CHRM3: variants seen among roughly 807,000 people sequenced by gnomAD.
CHRM3 encodes muscarinic acetylcholine receptor M3.
Under a neutral mutation model 41.8 loss-of-function variants are expected in CHRM3, and 11 were observed. That is an observed-to-expected ratio of 0.26 (90% confidence interval 0.17 to 0.44). The LOEUF (loss-of-function observed/expected upper bound fraction) is 0.44. Among genes scored for constraint, CHRM3 ranks in the 20% least tolerant of loss-of-function variants. The pLI, the probability that CHRM3 is intolerant of heterozygous loss-of-function variation, is 1.00. For synonymous variants in CHRM3, 297 were observed against 301.4 expected (o/e 0.99, Z 0.15); for missense variants, 571 against 745.4 (o/e 0.77, Z 2.72).
chr1:239,756,478 T>G (rs10925972), intron 5 of CHRM3, among the ~76,000 whole-genome samples: 11,403 of 152,262 alleles, frequency 0.075, 582 homozygotes, highest in South Asian at 0.18. Flanking sequence ...TACCAATTTA[T>G]TTCAGGGAGA....
At chr1:239,408,581 C>T (rs1394665673) in intron 1 of CHRM3, among the ~76,000 whole-genome samples, 1 of 150,544 alleles carries the variant, frequency 6.6e-6, no homozygotes, top group Admixed American at 6.6e-5. Context: ...TTGGGTATGT[C>T]CTTATAGCAG....
At chr1:239,726,255 G>T (rs1307543584) in intron 5 of CHRM3, among the ~76,000 whole-genome samples, 2 of 151,770 alleles carry the variant, frequency 1.3e-5, no homozygotes, top group African/African-American at 4.8e-5. Flanking sequence ...TGTAATTTTG[G>T]TGCATTGTGA....
chr1:239,636,927 C>T (rs1008313032), intron 4 of CHRM3, among the ~76,000 whole-genome samples: 4 of 152,052 alleles, frequency 2.6e-5, no homozygotes. Context: ...TTATTATGCA[C>T]ATAAAATGGC....
At chr1:239,563,185 G>T (rs755936920) in intron 3 of CHRM3, among the ~76,000 whole-genome samples, 7 of 116,312 alleles carry the variant, frequency 6.0e-5, no homozygotes, top group Non-Finnish European at 1.1e-4. Flanking sequence ...TCTGAAGTTG[G>T]TGTAGGGCAA....
At chr1:239,520,054 G>A (rs1225673016) in intron 2 of CHRM3, among the ~76,000 whole-genome samples, 1 of 152,032 alleles carries the variant, frequency 6.6e-6, no homozygotes, top group African/African-American at 2.4e-5. Context: ...TGTCTCCTAA[G>A]GCTCGAAATG....
chr1:239,866,355 C>G (rs1182566915), intron 6 of CHRM3, among the ~76,000 whole-genome samples: 1 of 151,798 alleles, frequency 6.6e-6, no homozygotes, highest in Admixed American at 6.6e-5. Flanking sequence ...AGCCGAGATC[C>G]CCCCACTGCA....
chr1:239,622,292 G>T (rs1210925703), intron 3 of CHRM3, among the ~76,000 whole-genome samples: 1 of 152,150 alleles, frequency 6.6e-6, no homozygotes, highest in African/African-American at 2.4e-5. Context: ...CCATTCTGCA[G>T]CCCATGAATC....
At chr1:239,851,188 T>C (rs777823486) in intron 6 of CHRM3, among the ~76,000 whole-genome samples, 6 of 152,172 alleles carry the variant, frequency 3.9e-5, no homozygotes, top group African/African-American at 7.2e-5. Flanking sequence ...GTCAGGGTAA[T>C]GTAGCAGATT....
At chr1:239,622,584 C>G (rs12743980) in intron 3 of CHRM3, among the ~76,000 whole-genome samples, 10,747 of 152,176 alleles carry the variant, frequency 0.071, 539 homozygotes, top group Middle Eastern at 0.23. Flanking sequence ...GTGGTAGAAA[C>G]AGCAAGAGAA....
intron 3 of CHRM3, among the ~76,000 whole-genome samples, chr1:239,548,854 A>G (rs1659536699): frequency 6.6e-6 from 1 of 152,242 alleles, no homozygotes; most frequent in Non-Finnish European, 1.5e-5. Flanking sequence ...ATAAAAGGAA[A>G]AAAGCAAGGT....
At position 239,620,667 on chromosome 1, in the gene CHRM3, G is replaced by A. The variant is rs139109021; in HGVS notation, c.-312-11557G>A. Among the ~76,000 whole-genome samples, 768 of 151,900 alleles carry A rather than the reference G, an allele frequency of 5.1e-3. 10 individuals carry two copies. The highest frequency in any genetic ancestry group is 0.018 in the African/African-American group (749 of 41,418). ...TTTTAGGAATATAGAACTAAAAATGGATGTATATATATTATATACACACAC... is the reference window on the plus strand; with the variant it reads ...TTTTAGGAATATAGAACTAAAAATGAATGTATATATATTATATACACACAC... On this transcript the variant is annotated intron_variant, in intron 3 of 6. Coordinates refer to ENST00000676153, the MANE Select transcript of CHRM3 (RefSeq NM_001375978.1).
chr1:239,564,323 G>C (rs1661153998), intron 3 of CHRM3, among the ~76,000 whole-genome samples: 1 of 152,054 alleles, frequency 6.6e-6, no homozygotes, highest in Admixed American at 6.6e-5. Flanking sequence ...GCAAATAAGA[G>C]ATAAGATATC....
At chr1:239,667,512 A>G (rs1673931119) in intron 4 of CHRM3, among the ~76,000 whole-genome samples, 1 of 152,096 alleles carries the variant, frequency 6.6e-6, no homozygotes, top group South Asian at 2.1e-4. Context: ...CAACACTCTC[A>G]GCTGTGGACT....
At chr1:239,458,012 G>T (rs915773440) in intron 1 of CHRM3, among the ~76,000 whole-genome samples, 12 of 152,014 alleles carry the variant, frequency 7.9e-5, no homozygotes, top group Non-Finnish European at 1.5e-4. Flanking sequence ...TACTTGTGTT[G>T]TTCAGGAAAG....
At position 239,457,034 on chromosome 1, in the gene CHRM3, T is replaced by C. The variant is rs140384147; in HGVS notation, c.-520-35675T>C. On this transcript the variant is annotated intron_variant, in intron 1 of 6. Transcript: ENST00000676153. Reference sequence around the variant, plus strand: ...GCATTCCAGTTCTGAGGGAAAGCCATAGATGAAACAGCTTGTTGCTGTCAT... The same window carrying C: ...GCATTCCAGTTCTGAGGGAAAGCCACAGATGAAACAGCTTGTTGCTGTCAT... Among the ~76,000 whole-genome samples the C allele has an allele frequency of 6.2e-4, 94 of 152,304 alleles. No homozygotes were observed. The East Asian group carries it at 0.012, about 19-fold the overall frequency.
rs114332334 is a variant in CHRM3 at position 239,631,562 on chromosome 1, C to T, written c.-312-662C>T. ...CATCCTTCACAATGCCACAGTTCCC[C>T]TGTTCTTCTGCAAAGCCTGGCACTT... On this transcript the variant is annotated intron_variant, in intron 3 of 6. Transcript: ENST00000676153. 6.0e-3 allele frequency among the ~76,000 whole-genome samples: 913 copies of T among 152,304 alleles called. 6 individuals carry two copies. The highest frequency in any genetic ancestry group is 0.021 in the African/African-American group (867 of 41,570).
chr1:239,724,494 A>G (rs1663257144), intron 5 of CHRM3, among the ~76,000 whole-genome samples: 1 of 151,832 alleles, frequency 6.6e-6, no homozygotes, highest in African/African-American at 2.4e-5. Flanking sequence ...ACTTAACCTC[A>G]CTCTATTTCC....
intron 3 of CHRM3, among the ~76,000 whole-genome samples, chr1:239,611,615 T>A (rs1417368027): frequency 2.6e-5 from 4 of 151,946 alleles, no homozygotes; most frequent in Non-Finnish European, 4.4e-5. Flanking sequence ...GAGATGGGGT[T>A]TCACCATGTT....
intron 5 of CHRM3, among the ~76,000 whole-genome samples, chr1:239,800,180 C>A (rs1212581718): frequency 6.6e-6 from 1 of 152,028 alleles, no homozygotes; most frequent in African/African-American, 2.4e-5. Context: ...GTTTTAAGCT[C>A]CCCAGGTTGA....
Sources: allele counts gnomAD v4.1 joint callset (sites outside exome capture counted in the v4.1 genomes callset), GRCh38; gene constraint gnomAD v4.1.1; transcripts MANE v1.5; gene names NCBI Gene and HGNC (gene_info 2026-07-23, HGNC 2026-07-21).